Variants in ATP8B3 observed in about 807,000 individuals in gnomAD.
ATP8B3 encodes ATPase phospholipid transporting 8B3.
Under a neutral mutation model 140.9 loss-of-function variants are expected in ATP8B3, and 141 were observed. The observed-to-expected ratio is 1.00, with a 90% CI of 0.87 to 1.15. The LOEUF (loss-of-function observed/expected upper bound fraction) is 1.15, where lower values mean the gene tolerates loss of function less well. ATP8B3 is among the 50% of genes most tolerant of loss of function. ATP8B3 has a pLI of 0.00. For missense variants in ATP8B3, 1,874 were observed against 1,740.6 expected, an observed-to-expected ratio of 1.08 and a Z score of -1.36; for synonymous variants, 765 against 714.6, an observed-to-expected ratio of 1.07 and a Z score of -1.13.
chr19:1,811,255 G>A (rs529541839), intron 2 of ATP8B3, among the ~76,000 whole-genome samples: 2 of 152,210 alleles, frequency 1.3e-5, no homozygotes, highest in African/African-American at 2.4e-5. Context: ...TGATGGGGGC[G>A]ATGGAGGCAG....
At chr19:1,797,867 C>T (rs1178109864) in intron 14 of ATP8B3, among the ~76,000 whole-genome samples, 1 of 152,016 alleles carries the variant, frequency 6.6e-6, no homozygotes, top group Non-Finnish European at 1.5e-5. Flanking sequence ...TGCAGTGGTG[C>T]GATCATAGCT....
chr19:1,786,819 C>T (rs933441838), intron 25 of ATP8B3, among the ~76,000 whole-genome samples: 5 of 148,086 alleles, frequency 3.4e-5, no homozygotes, highest in African/African-American at 1.2e-4. Context: ...CTGCTCTGAT[C>T]CTCTCTCCCC....
Position 1,799,633 on chromosome 19 carries a change from A to G in ATP8B3, c.1552+314T>C, listed in dbSNP as rs1420140694. ...ATACAAAAAAATTAGGTGTGGTGGCAGGTGCCTGTAATCCCAGCTACTCGG... is the reference window on the plus strand; with the variant it reads ...ATACAAAAAAATTAGGTGTGGTGGCGGGTGCCTGTAATCCCAGCTACTCGG... On this transcript the variant is annotated intron_variant, in intron 14 of 28. Transcript: ENST00000310127. 8 of 527,190 alleles carry G rather than the reference A, an allele frequency of 1.5e-5. No homozygotes were observed. The East Asian group carries it at 2.2e-4, about 15-fold the overall frequency. The allele number at this position is 527,190 out of a possible 1,614,324, so 32.7% of individuals were successfully genotyped here.
chr19:1,800,570 A>C lies in ATP8B3; in HGVS notation c.1153-121T>G. ...CACAGTGGCTCATGCCTGTAATCTC[A>C]GCACTTCAGGAGGCTAAGGCAGGCG... On this transcript the variant is annotated intron_variant, in intron 12 of 28. Coordinates refer to ENST00000310127, the MANE Select transcript of ATP8B3 (RefSeq NM_138813.4). This position sits in a 1 kb window ranked among gnomAD's most constrained non-coding sequence, Gnocchi z 4.4. 1.1e-6 allele frequency: 1 copy of C among 897,572 alleles called. No homozygotes were observed. Among genetic ancestry groups the C allele is most frequent in the Non-Finnish European group, 1.7e-6 (1 of 589,714 alleles). The allele number at this position is 897,572 out of a possible 1,614,324, so 55.6% of individuals were successfully genotyped here. A position where few individuals can be genotyped will look rare whatever the true frequency, so the allele number is the denominator to read the frequency against.
intron 21 of ATP8B3, among the ~76,000 whole-genome samples, chr19:1,790,271 G>A (rs1600407060): frequency 5.3e-5 from 1 of 18,920 alleles, no homozygotes; most frequent in South Asian, 5.0e-3. Flanking sequence ...ACTCCCCTCC[G>A]CTGCTCCCCC....
Position 1,795,929 on chromosome 19 carries a change from G to A in ATP8B3, c.2001C>T (p.Phe667=), listed in dbSNP as rs377575442. The change falls in exon 18 of 29, where the codon TTC becomes TTT. Residue 667 remains phenylalanine (F), a synonymous_variant. Coordinates refer to ENST00000310127, the MANE Select transcript of ATP8B3 (RefSeq NM_138813.4). ...TTGCCCCCCTCCTGTGCAAGCGTTCGAAGATGACCGTGTCGGCGCCCTTGG... is the reference window on the plus strand; with the variant it reads ...TTGCCCCCCTCCTGTGCAAGCGTTCAAAGATGACCGTGTCGGCGCCCTTGG... ...LYTKGADTVI[F]ERLHRRGAME... The A allele has an allele frequency of 2.1e-5, 34 of 1,612,938 alleles. No homozygotes were observed. The highest frequency in any genetic ancestry group is 2.0e-4 in the South Asian group (18 of 91,070).
In ATP8B3 at chr19:1,805,122, T is replaced by C; in HGVS notation, c.904+252A>G. On this transcript the variant is annotated intron_variant, in intron 10 of 28. Transcript: ENST00000310127. The surrounding 1 kb of genome is among the most constrained non-coding windows in gnomAD (Gnocchi z 5.2). ...TCCCAAGTAGCTGGGACCACCGGCA[T>C]GTGCCACCACGCCCAGCTACTTGTT... is the stretch of plus-strand genomic sequence containing the variant. 2.1e-6 allele frequency: 1 copy of C among 465,312 alleles called. No homozygotes were observed. Among genetic ancestry groups the C allele is most frequent in the Non-Finnish European group, 4.0e-6 (1 of 249,952 alleles). The allele number at this position is 465,312 out of a possible 1,614,324, so 28.8% of individuals were successfully genotyped here.
At chr19:1,792,869 C>T (rs533666077) in intron 18 of ATP8B3, among the ~76,000 whole-genome samples, 6 of 150,782 alleles carry the variant, frequency 4.0e-5, no homozygotes, top group Non-Finnish European at 8.8e-5. Flanking sequence ...GAGCTGAGAT[C>T]GCCCTATCGC....
In ATP8B3 at chr19:1,783,188, C is replaced by T. The variant is rs199597670; in HGVS notation, c.3743G>A (p.Arg1248His). 168 of 1,613,148 alleles carry T rather than the reference C, an allele frequency of 1.0e-4. No homozygotes were observed. In the African/African-American group the frequency reaches 1.5e-3, roughly 15 times the overall value. Residue 1248 changes from arginine (R) to histidine (H), a missense_variant, in exon 29 of 29, where the codon CGC (arginine) becomes CAC (histidine). Arg to His is a conservative substitution (Grantham distance 29). This residue lies in a region of ATP8B3 where 840 missense variants were observed against 760.9 expected (regional missense o/e 1.10). Transcript: ENST00000310127. Reference sequence around the variant, plus strand: ...GTGGGAGAAAGCATAGCTGGAACGGCGGGCACGAGACTCCCGGTGTACATG... The same window carrying T: ...GTGGGAGAAAGCATAGCTGGAACGGTGGGCACGAGACTCCCGGTGTACATG... ...LPHVHRESRA[R>H]RSSYAFSHRE...
At position 1,785,520 on chromosome 19, in the gene ATP8B3, CTGG is replaced by C. The variant is rs2068277117; in HGVS notation, c.3339_3341del (p.His1113del). On this transcript the variant is annotated inframe_deletion, in exon 26 of 29. Coordinates refer to ENST00000310127, the MANE Select transcript of ATP8B3 (RefSeq NM_138813.4). ...ACAGGGCCACCACGACCGCAAAGGACTGGTGGTCGCTGAAGCTGGCGGGTCCCG... is the reference window on the plus strand; with the variant it reads ...ACAGGGCCACCACGACCGCAAAGGACTGGTCGCTGAAGCTGGCGGGTCCCG... The C allele has an allele frequency of 6.2e-7, 1 of 1,612,950 alleles. No individual in the cohort carries two copies. The highest frequency in any genetic ancestry group is 1.3e-5 in the African/African-American group (1 of 74,946).
rs1381384527 is a variant in ATP8B3 at position 1,807,520 on chromosome 19, A to G, written c.517-254T>C. On this transcript the variant is annotated intron_variant, in intron 5 of 28. Transcript: ENST00000310127. This position sits in a 1 kb window ranked among gnomAD's most constrained non-coding sequence, Gnocchi z 5.9. ...CTTCTCCCGTCCAAGCCCAGCTCCC[A>G]CGGTGCCTTCTCCAGGGAGCCTCCC... 6.6e-6 allele frequency among the ~76,000 whole-genome samples: 1 copy of G among 151,502 alleles called. No individual in the cohort carries two copies. Among genetic ancestry groups the G allele is most frequent in the Non-Finnish European group, 1.5e-5 (1 of 67,896 alleles).
In ATP8B3 at chr19:1,796,209, G is replaced by A. The variant is rs376403349; in HGVS notation, c.1810C>T (p.Arg604Trp). ...GACAGGAACACGTAGCCGAAGTTCC[G>A]GGCTGCGGTGACCAGCGCCCCCTCG... ...PDEGALVTAARNFGYVFLSRT... is the reference protein window; with the variant it reads ...PDEGALVTAAWNFGYVFLSRT... The change falls in exon 17 of 29, where the codon CGG (arginine) becomes TGG (tryptophan). Residue 604 changes from arginine to tryptophan, a missense_variant. Coordinates refer to ENST00000310127, the MANE Select transcript of ATP8B3 (RefSeq NM_138813.4). 6 of 1,612,638 alleles carry A rather than the reference G, an allele frequency of 3.7e-6. No homozygotes were observed. The highest frequency in any genetic ancestry group is 2.2e-5 in the East Asian group (1 of 44,892).
intron 14 of ATP8B3, among the ~76,000 whole-genome samples, chr19:1,797,692 G>T (rs990094416): frequency 2.0e-5 from 3 of 151,586 alleles, no homozygotes; most frequent in African/African-American, 7.3e-5. Context: ...TAGAGATGGG[G>T]TTTCACCATG....
At chr19:1,798,348 A>G (rs1458019936) in intron 14 of ATP8B3, among the ~76,000 whole-genome samples, 1 of 151,924 alleles carries the variant, frequency 6.6e-6, no homozygotes, top group Non-Finnish European at 1.5e-5. Context: ...CTGTCAAACT[A>G]CACCCCACCA....
rs145895698 is a variant in ATP8B3 at position 1,796,850 on chromosome 19, G to C, written c.1614C>G (p.Ala538=). ...KENPYLWNKF[A]DGKLLFHNAA... ...CATTGTGGAAGAGCAGCTTCCCGTC[G>C]GCGAACTTGTTCCAGAGGTAGGGGT... Residue 538 remains alanine, a synonymous_variant, in exon 16 of 29, where the codon GCC becomes GCG. Transcript: ENST00000310127. 25 of 1,612,384 alleles carry C rather than the reference G, an allele frequency of 1.6e-5. No individual in the cohort carries two copies. In the East Asian group the frequency reaches 2.2e-4, roughly 14 times the overall value.
At chr19:1,802,709 C>T in intron 10 of ATP8B3, 64 bp from the exon 11 acceptor site, 1 of 1,545,030 alleles carries the variant, frequency 6.5e-7, no homozygotes, top group Non-Finnish European at 8.7e-7. Context: ...GTTCCCTGCA[C>T]CGGGTGCAGG....
Position 1,800,759 on chromosome 19 carries a change from AG to A in ATP8B3, c.1153-311del, listed in dbSNP as rs1025000899. Among the ~76,000 whole-genome samples the A allele has an allele frequency of 3.9e-4, 60 of 152,248 alleles. No individual in the cohort carries two copies. The highest frequency in any genetic ancestry group is 7.8e-4 in the Non-Finnish European group (53 of 68,006). On this transcript the variant is annotated intron_variant, in intron 12 of 28. Transcript: ENST00000310127. The surrounding 1 kb of genome is among the most constrained non-coding windows in gnomAD (Gnocchi z 4.4). ...GGATCGCTTGAGCCCAGGAGGCTGC[AG>A]TGAGATATCATGGCGCCACTGCACT...
chr19:1,808,110 G>T, intron 5 of ATP8B3, 112 bp downstream of exon 5: 1 of 836,290 alleles, frequency 1.2e-6, no homozygotes, highest in Non-Finnish European at 1.9e-6. Context: ...ACTCAGCGCT[G>T]AGGGTCCCAG....
rs1243623987 is a variant in ATP8B3, at chr19:1,788,956, T to C, written c.3010A>G (p.Ser1004Gly). 2.5e-6 allele frequency: 4 copies of C among 1,609,164 alleles called. No individual in the cohort carries two copies. Among genetic ancestry groups the C allele is most frequent in the Non-Finnish European group, 2.5e-6 (3 of 1,178,188 alleles). Reference sequence around the variant, plus strand: ...ACCTGCACCATCATGCTGGCCATGCTCTTGTAGAAGAAGTAGCGCAGGAAC... The same window carrying C: ...ACCTGCACCATCATGCTGGCCATGCCCTTGTAGAAGAAGTAGCGCAGGAAC... Reference protein sequence around the residue: ...CKFLRYFFYKSMASMMVQVWF... With the variant: ...CKFLRYFFYKGMASMMVQVWF... The change falls in exon 24 of 29, where the codon AGC becomes GGC. Residue 1004 changes from serine (S) to glycine (G), a missense_variant. Physicochemically the swap from Ser to Gly is moderately conservative, Grantham distance 56. This residue lies in a region of ATP8B3 where 840 missense variants were observed against 760.9 expected (regional missense o/e 1.10). Coordinates refer to ENST00000310127, the MANE Select transcript of ATP8B3 (RefSeq NM_138813.4).
Sources: allele counts gnomAD v4.1 joint callset (sites outside exome capture counted in the v4.1 genomes callset), GRCh38; gene constraint gnomAD v4.1.1; regional missense constraint gnomAD v4.1.1; non-coding constraint Gnocchi (gnomAD v3.1); transcripts MANE v1.5; gene names NCBI Gene and HGNC (gene_info 2026-07-23, HGNC 2026-07-21).